DMD: variants seen among roughly 807,000 people sequenced by gnomAD.
DMD encodes mutant dystrophin.
Under a neutral mutation model 330.1 loss-of-function variants are expected in DMD, and 63 were observed. The observed-to-expected ratio is 0.19, with a 90% CI of 0.16 to 0.24. The LOEUF (loss-of-function observed/expected upper bound fraction) is 0.24, where lower values mean the gene tolerates loss of function less well. Ranked by LOEUF, DMD falls within the 10% of genes least tolerant of loss-of-function variation. The probability of loss-of-function intolerance (pLI) is 1.00; values close to 1 mark genes in which losing one functional copy is unlikely to be tolerated. For missense variants in DMD, 3,344 were observed against 2,684.1 expected, an observed-to-expected ratio of 1.25 and a Z score of -5.43; for synonymous variants, 1,223 against 959.8, an observed-to-expected ratio of 1.27 and a Z score of -5.07.
chrX:32,288,418 A>G lies in DMD; in HGVS notation c.6118-717T>C, dbSNP rs181731315. 3.0e-3 allele frequency among the ~76,000 whole-genome samples: 336 copies of G among 111,884 alleles called. 1 individual carries two copies. Among genetic ancestry groups the G allele is most frequent in the African/African-American group, 0.01 (312 of 30,800 alleles). On this transcript the variant is annotated intron_variant, in intron 42 of 78. Coordinates refer to ENST00000357033, the MANE Select transcript of DMD (RefSeq NM_004006.3). ...AATGTTTTGGCTTGACTTTCAGGAC[A>G]TATGCAGAATTTGACTGCTTCTCAC...
intron 19 of DMD, 81 bp downstream of exon 19, chrX:32,501,674 G>C (rs2044067795): frequency 4.3e-6 from 3 of 703,732 alleles, no homozygotes; most frequent in East Asian, 6.7e-5. Flanking sequence ...GTGCTTGTCT[G>C]ATATAATTCA....
intron 9 of DMD, among the ~76,000 whole-genome samples, chrX:32,688,502 A>T (rs751618178): frequency 2.5e-4 from 28 of 112,052 alleles, no homozygotes; most frequent in African/African-American, 6.8e-4. Flanking sequence ...ATATTTCTTT[A>T]CCCTTAACTA....
At chrX:31,223,345 T>A (rs2046283847) in intron 63 of DMD, among the ~76,000 whole-genome samples, 3 of 112,245 alleles carry the variant, frequency 2.7e-5, no homozygotes, top group African/African-American at 6.5e-5. Context: ...CTAAGTTCTG[T>A]GAAGACTAAA....
intron 51 of DMD, among the ~76,000 whole-genome samples, chrX:31,731,346 G>C (rs10521977): frequency 1.1e-4 from 12 of 110,525 alleles, no homozygotes; most frequent in Non-Finnish European, 1.9e-4. Flanking sequence ...ATAGTAGCAG[G>C]TAGATTTTAT....
chrX:33,267,579 T>C (rs374776854), intron 1 of DMD, among the ~76,000 whole-genome samples: 25 of 110,531 alleles, frequency 2.3e-4, no homozygotes, highest in African/African-American at 7.9e-4. Flanking sequence ...AAGAACAAAA[T>C]TGGAGGCATC....
chrX:32,751,934 G>C (rs934583763), intron 7 of DMD, among the ~76,000 whole-genome samples: 2 of 112,746 alleles, frequency 1.8e-5, no homozygotes, highest in African/African-American at 6.4e-5. Context: ...TGAGCCCGCA[G>C]GTGCACAGAA....
At chrX:31,341,887 G>GCACACACACACACACACACACA (rs1569529198) in intron 61 of DMD, among the ~76,000 whole-genome samples, 8 of 67,288 alleles carry the variant, frequency 1.2e-4, no homozygotes, top group Admixed American at 1.1e-3. Context: ...GTGCGTGCGC[G>GCACACACACACACACACACACA]CGCGCACACA....
intron 16 of DMD, among the ~76,000 whole-genome samples, chrX:32,555,674 A>G (rs1373873822): frequency 2.7e-5 from 3 of 111,351 alleles, no homozygotes; most frequent in Admixed American, 1.9e-4. Context: ...AAATAAGACC[A>G]CGCACCTACA....
Position 31,832,692 on chromosome X carries a change from T to G in DMD, c.7200+4026A>C, listed in dbSNP as rs2093079373. Among the ~76,000 whole-genome samples the G allele has an allele frequency of 2.7e-5, 3 of 112,590 alleles. No homozygotes were observed. The South Asian group carries it at 1.1e-3, about 41-fold the overall frequency. ...AAACATATTACTAGGTTTGTGTAAGTAACATTTTTTGATAATATAAAAAGT... is the reference window on the plus strand; with the variant it reads ...AAACATATTACTAGGTTTGTGTAAGGAACATTTTTTGATAATATAAAAAGT... On this transcript the variant is annotated intron_variant, in intron 49 of 78. Coordinates refer to ENST00000357033, the MANE Select transcript of DMD (RefSeq NM_004006.3).
At chrX:32,684,772 C>A (rs1307441229) in intron 9 of DMD, among the ~76,000 whole-genome samples, 3 of 111,068 alleles carry the variant, frequency 2.7e-5, no homozygotes, top group Non-Finnish European at 5.7e-5. Flanking sequence ...CATTTTCTGG[C>A]TCATGTTCTT....
At chrX:31,766,171 T>C (rs2089982543) in intron 51 of DMD, among the ~76,000 whole-genome samples, 1 of 111,794 alleles carries the variant, frequency 8.9e-6, no homozygotes, top group Non-Finnish European at 1.9e-5. Flanking sequence ...ACCCAGATTC[T>C]ACGTATTTCT....
chrX:33,336,371 C>T (rs1390337063), intron 1 of DMD, among the ~76,000 whole-genome samples: 1 of 109,484 alleles, frequency 9.1e-6, no homozygotes, highest in Non-Finnish European at 1.9e-5. Flanking sequence ...GAGCAAGCTT[C>T]TCAGGCAAAA....
chrX:32,175,820 T>A (rs775616591), intron 44 of DMD, among the ~76,000 whole-genome samples: 66 of 111,795 alleles, frequency 5.9e-4, no homozygotes, highest in African/African-American at 2.0e-3. Flanking sequence ...GCTACGTATG[T>A]AAACAAAAAA....
intron 1 of DMD, among the ~76,000 whole-genome samples, chrX:33,208,020 G>A (rs1296909950): frequency 9.0e-6 from 1 of 111,321 alleles, no homozygotes; most frequent in Non-Finnish European, 1.9e-5. Context: ...GCCTCTCTCT[G>A]AATCCAATCA....
chrX:33,280,804 C>T (rs138616132), intron 1 of DMD, among the ~76,000 whole-genome samples: 2,450 of 111,766 alleles, frequency 0.022, 63 homozygotes, highest in African/African-American at 0.075. Flanking sequence ...GTCTGTACAC[C>T]ACCAGTATCA....
intron 43 of DMD, among the ~76,000 whole-genome samples, chrX:32,233,631 A>AT (rs1262176093): frequency 1.9e-5 from 2 of 103,758 alleles, no homozygotes; most frequent in African/African-American, 7.1e-5. Flanking sequence ...TTATTTATTT[A>AT]TTTATTTATT....
At chrX:32,669,485 A>G (rs1040906739) in intron 9 of DMD, among the ~76,000 whole-genome samples, 1 of 111,850 alleles carries the variant, frequency 8.9e-6, no homozygotes, top group African/African-American at 3.3e-5. Flanking sequence ...AAAACAATCA[A>G]TCAAATATTC....
chrX:31,428,909 C>CAGG (rs1174047065), intron 60 of DMD, among the ~76,000 whole-genome samples: 1 of 111,457 alleles, frequency 9.0e-6, no homozygotes, highest in Non-Finnish European at 1.9e-5. Flanking sequence ...ATCACGAGGT[C>CAGG]AGGAGTTCGA....
chrX:32,628,247 C>A (rs369476590), intron 11 of DMD, among the ~76,000 whole-genome samples: 95 of 49,355 alleles, frequency 1.9e-3, no homozygotes, highest in African/African-American at 7.3e-3. Context: ...TCCATGAGTT[C>A]AGTTGTTTTA....
Sources: allele counts gnomAD v4.1 joint callset (sites outside exome capture counted in the v4.1 genomes callset), GRCh38; gene constraint gnomAD v4.1.1; transcripts MANE v1.5; gene names NCBI Gene and HGNC (gene_info 2026-07-23, HGNC 2026-07-21).